The following KIF2A variants were observed in gnomAD, a reference collection of about 807,000 sequenced individuals.
The protein encoded by KIF2A is kinesin-like protein KIF2A.
KIF2A carries 22 observed loss-of-function variants against 100.2 expected under a neutral mutation model. The ratio of observed to expected loss-of-function variants is 0.22; its 90% CI spans 0.16 to 0.31. KIF2A has a LOEUF of 0.31. KIF2A is among the 10% of genes least tolerant of loss of function. The probability of loss-of-function intolerance (pLI) is 1.00; values close to 1 mark genes in which losing one functional copy is unlikely to be tolerated. For missense variants in KIF2A, 495 were observed against 898.7 expected (o/e 0.55, Z 5.74); for synonymous variants, 268 against 285.9 (o/e 0.94, Z 0.63).
At chr5:62,351,364 G>A (rs1747848418) in intron 4 of KIF2A, among the ~76,000 whole-genome samples, 1 of 152,082 alleles carries the variant, frequency 6.6e-6, no homozygotes, top group African/African-American at 2.4e-5. Flanking sequence ...GAGAAAGAAA[G>A]GAATGGGGAA....
intron 17 of KIF2A, 145 bp from the exon 18 acceptor site, chr5:62,373,542 C>T (rs1741408834): frequency 1.7e-6 from 1 of 590,568 alleles, no homozygotes; most frequent in Admixed American, 3.5e-5. Context: ...AGTGTTTCTA[C>T]AGATTTCAGA....
chr5:62,326,664 A>G (rs1043839093), intron 1 of KIF2A, among the ~76,000 whole-genome samples: 2 of 151,624 alleles, frequency 1.3e-5, no homozygotes, highest in African/African-American at 4.9e-5. Flanking sequence ...ATTTCCATCA[A>G]TATGGAAATG....
At chr5:62,326,705 AT>A (rs929516554) in intron 1 of KIF2A, among the ~76,000 whole-genome samples, 9 of 151,986 alleles carry the variant, frequency 5.9e-5, no homozygotes, top group Non-Finnish European at 1.2e-4. Context: ...AAAAAAAAAA[AT>A]CCTCTTAGGC....
chr5:62,331,410 T>TAA (rs201132551), intron 1 of KIF2A, among the ~76,000 whole-genome samples: 1 of 134,982 alleles, frequency 7.4e-6, no homozygotes, highest in Non-Finnish European at 1.6e-5. Flanking sequence ...AGACTATGTC[T>TAA]AAAAAAAAAA....
At chr5:62,309,879 T>G (rs1260273744) in intron 1 of KIF2A, among the ~76,000 whole-genome samples, 1 of 152,148 alleles carries the variant, frequency 6.6e-6, no homozygotes. Flanking sequence ...TAAAACCAGA[T>G]GGCCAGTCAG....
intron 10 of KIF2A, 60 bp from the exon 11 acceptor site, chr5:62,361,406 T>C: frequency 7.0e-7 from 1 of 1,423,320 alleles, no homozygotes; most frequent in Non-Finnish European, 9.9e-7. Context: ...TTCTGTGAAC[T>C]AAATTCTTAA....
chr5:62,358,087 C>A, intron 8 of KIF2A, 50 bp from the exon 9 acceptor site: 1 of 1,347,794 alleles, frequency 7.4e-7, no homozygotes, highest in South Asian at 1.5e-5. Context: ...TGTACATGAA[C>A]TCAAATGCTG....
chr5:62,384,656 TTGTC>T (rs1741931460), intron 20 of KIF2A, among the ~76,000 whole-genome samples: 1 of 152,240 alleles, frequency 6.6e-6, no homozygotes. Context: ...TGCATGTAAT[TTGTC>T]TGACAATTTA....
At chr5:62,352,525 T>G in intron 4 of KIF2A, 63 bp from the exon 5 acceptor site, 1 of 1,321,040 alleles carries the variant, frequency 7.6e-7, no homozygotes, top group Non-Finnish European at 1.0e-6. Context: ...CTCTTCCTTT[T>G]ACTAAGGTTA....
intron 1 of KIF2A, among the ~76,000 whole-genome samples, chr5:62,312,447 T>C (rs1336265550): frequency 6.6e-6 from 1 of 152,234 alleles, no homozygotes; most frequent in Admixed American, 6.5e-5. Flanking sequence ...ACATTAATCT[T>C]TTGCAAAGTT....
chr5:62,350,557 G>C (rs1327943774), intron 4 of KIF2A, among the ~76,000 whole-genome samples: 2 of 152,106 alleles, frequency 1.3e-5, no homozygotes, highest in African/African-American at 2.4e-5. Context: ...TTACAGGCAT[G>C]AGCCACTGTG....
chr5:62,311,092 G>C (rs1014948554), intron 1 of KIF2A, among the ~76,000 whole-genome samples: 22 of 152,110 alleles, frequency 1.4e-4, no homozygotes, highest in African/African-American at 5.3e-4. Flanking sequence ...AGATAAACTA[G>C]TTTTCATTTT....
chr5:62,342,230 TAG>T (rs1747333241), intron 1 of KIF2A, among the ~76,000 whole-genome samples: 1 of 152,156 alleles, frequency 6.6e-6, no homozygotes, highest in African/African-American at 2.4e-5. Flanking sequence ...ACTCATGTTG[TAG>T]AGATGGTGAT....
intron 1 of KIF2A, among the ~76,000 whole-genome samples, chr5:62,319,653 T>C (rs1746006087): frequency 6.6e-6 from 1 of 152,234 alleles, no homozygotes. Flanking sequence ...ATCTGTTTGC[T>C]GAATCAGTGA....
At chr5:62,345,635 T>C (rs979873198) in intron 1 of KIF2A, among the ~76,000 whole-genome samples, 6 of 152,134 alleles carry the variant, frequency 3.9e-5, no homozygotes, top group Non-Finnish European at 7.4e-5. Flanking sequence ...CTGTCTCTGT[T>C]GAAAATAAAA....
At chr5:62,331,426 T>A (rs1019112215) in intron 1 of KIF2A, among the ~76,000 whole-genome samples, 10 of 150,414 alleles carry the variant, frequency 6.6e-5, no homozygotes, top group African/African-American at 1.2e-4. Flanking sequence ...AAAAAAAAAA[T>A]TATGTTTTCT....
At chr5:62,379,460 C>T (rs951024781) in intron 19 of KIF2A, among the ~76,000 whole-genome samples, 5 of 152,032 alleles carry the variant, frequency 3.3e-5, no homozygotes, top group South Asian at 2.1e-4. Flanking sequence ...TTTGCGAGTT[C>T]GATACCAGCC....
At chr5:62,329,302 G>T (rs543019684) in intron 1 of KIF2A, among the ~76,000 whole-genome samples, 1 of 152,314 alleles carries the variant, frequency 6.6e-6, no homozygotes, top group East Asian at 1.9e-4. Context: ...ACTGTTACCA[G>T]TGTCAGCTGA....
chr5:62,383,963 T>A (rs1184832606), intron 20 of KIF2A, among the ~76,000 whole-genome samples: 1 of 151,930 alleles, frequency 6.6e-6, no homozygotes, highest in Non-Finnish European at 1.5e-5. Context: ...ATAAGAAAAA[T>A]TTGGGCCAGA....
Sources: allele counts gnomAD v4.1 joint callset (sites outside exome capture counted in the v4.1 genomes callset), GRCh38; gene constraint gnomAD v4.1.1; transcripts MANE v1.5; gene names NCBI Gene and HGNC (gene_info 2026-07-23, HGNC 2026-07-21).